SRGAP3: variants seen among roughly 807,000 people sequenced by gnomAD.
SRGAP3 encodes the protein SLIT-ROBO Rho GTPase activating protein 3.
Under a neutral mutation model 121.1 loss-of-function variants are expected in SRGAP3, and 39 were observed. The ratio of observed to expected loss-of-function variants is 0.32; its 90% CI spans 0.25 to 0.42. The LOEUF (loss-of-function observed/expected upper bound fraction) is 0.42, where lower values mean the gene tolerates loss of function less well. Among genes scored for constraint, SRGAP3 ranks in the 10% least tolerant of loss-of-function variants. The probability of loss-of-function intolerance (pLI) is 1.00; values close to 1 mark genes in which losing one functional copy is unlikely to be tolerated. For missense variants in SRGAP3, 1,213 were observed against 1,470.6 expected (o/e 0.82, Z 2.86); for synonymous variants, 601 against 570.0 (o/e 1.05, Z -0.77).
At chr3:9,195,355 G>A (rs1234196900) in intron 1 of SRGAP3, among the ~76,000 whole-genome samples, 1 of 152,170 alleles carries the variant, frequency 6.6e-6, no homozygotes, top group Non-Finnish European at 1.5e-5. Flanking sequence ...AAGCTCGTAA[G>A]GGTCAGGTCC....
chr3:9,126,661 A>C (rs907678020), intron 1 of SRGAP3, among the ~76,000 whole-genome samples: 8 of 149,102 alleles, frequency 5.4e-5, no homozygotes, highest in African/African-American at 1.0e-4. Flanking sequence ...AAATAAATAA[A>C]TAAATAATGT....
At chr3:9,124,984 C>A in intron 1 of SRGAP3, 67 bp from the exon 2 acceptor site, 1 of 1,580,502 alleles carries the variant, frequency 6.3e-7, no homozygotes, top group Non-Finnish European at 8.7e-7. Flanking sequence ...GCCCGCTCTG[C>A]TGCTGGCCTG....
intron 3 of SRGAP3, among the ~76,000 whole-genome samples, chr3:9,312,067 C>T (rs1436417415): frequency 6.6e-6 from 1 of 152,238 alleles, no homozygotes; most frequent in East Asian, 1.9e-4. Context: ...ATGTGGGCCA[C>T]AGGAACCACA....
At position 9,249,156 on chromosome 3, in the gene SRGAP3, C is replaced by T; in HGVS notation, c.-205G>A. On this transcript the variant is annotated 5_prime_UTR_variant, in exon 1 of 22. Coordinates refer to ENST00000383836, the MANE Select transcript of SRGAP3 (RefSeq NM_014850.4). ...TCTCTTTACTTGCCGAGAAATGGCT[C>T]TAGTAGCTTGCCCTGGTCAGCTCCT... 1 of 630,998 alleles carries T rather than the reference C, an allele frequency of 1.6e-6. No individual in the cohort carries two copies. The highest frequency in any genetic ancestry group is 2.8e-6 in the Non-Finnish European group (1 of 354,132). 39.1% of individuals were successfully genotyped at this position (630,998 alleles called of 1,614,324 possible). A position where few individuals can be genotyped will look rare whatever the true frequency, so the allele number is the denominator to read the frequency against.
At chr3:9,212,531 C>A (rs1952480771) in intron 1 of SRGAP3, among the ~76,000 whole-genome samples, 1 of 126,694 alleles carries the variant, frequency 7.9e-6, no homozygotes, top group South Asian at 2.1e-4. Context: ...ACCATCCTGG[C>A]CAACATGGTG....
rs1006484971 is a variant in SRGAP3 at position 9,350,184 on chromosome 3, G to A, written n.214+12656C>T. ...TCAGACACTGTCCTAAGTGCTTTAC[G>A]TGCACAATTTAATTCAGTCAACACA... On this transcript the variant is annotated intron_variant and non_coding_transcript_variant, in intron 1 of 3. Transcript: ENST00000490889. 5.9e-5 allele frequency: 9 copies of A among 152,236 alleles called. 1 individual carries two copies. The East Asian group carries it at 9.6e-4, about 16-fold the overall frequency. 9.4% of individuals were successfully genotyped at this position (152,236 alleles called of 1,614,324 possible).
intron 2 of SRGAP3, among the ~76,000 whole-genome samples, chr3:9,114,901 C>G (rs1343455189): frequency 2.0e-5 from 3 of 152,226 alleles, no homozygotes; most frequent in Non-Finnish European, 2.9e-5. Context: ...TACTGGATGT[C>G]TGATAGGCAT....
chr3:9,315,279 G>A (rs903760328), intron 3 of SRGAP3, among the ~76,000 whole-genome samples: 1 of 152,286 alleles, frequency 6.6e-6, no homozygotes, highest in Non-Finnish European at 1.5e-5. Context: ...TGGAAAGAGG[G>A]CCCCTGCCTC....
At chr3:9,079,407 T>C (rs1463672540) in intron 4 of SRGAP3, among the ~76,000 whole-genome samples, 2 of 152,130 alleles carry the variant, frequency 1.3e-5, no homozygotes, top group Non-Finnish European at 2.9e-5. Context: ...TGTGTCCCCA[T>C]TTGCTCACCT....
intron 1 of SRGAP3, among the ~76,000 whole-genome samples, chr3:9,161,871 C>G (rs977903236): frequency 2.0e-5 from 3 of 151,760 alleles, no homozygotes; most frequent in Non-Finnish European, 2.9e-5. Context: ...TTTGTCAAAA[C>G]CTCAATGTAG....
At chr3:9,061,225 T>G (rs1349878241) in intron 5 of SRGAP3, among the ~76,000 whole-genome samples, 1 of 152,058 alleles carries the variant, frequency 6.6e-6, no homozygotes, top group African/African-American at 2.4e-5. Flanking sequence ...AGAGGGAGAC[T>G]CCGTCTCAAT....
intron 1 of SRGAP3, among the ~76,000 whole-genome samples, chr3:9,151,372 G>C (rs1341098139): frequency 6.6e-6 from 1 of 152,180 alleles, no homozygotes; most frequent in Non-Finnish European, 1.5e-5. Flanking sequence ...AACGTGGAAG[G>C]GCAGCTGGAG....
chr3:8,994,653 C>G, intron 18 of SRGAP3, 130 bp from the exon 19 acceptor site: 1 of 1,230,776 alleles, frequency 8.1e-7, no homozygotes, highest in South Asian at 1.3e-5. Context: ...GGACAGAACG[C>G]CTGGTGGGCT....
intron 11 of SRGAP3, chr3:9,036,695 C>A (rs187957659): frequency 6.6e-6 from 1 of 152,202 alleles, no homozygotes; most frequent in South Asian, 2.1e-4. Context: ...AACTTCTCTG[C>A]GTGAGTTCTA....
At chr3:9,214,117 A>AACACAC (rs34152705) in intron 1 of SRGAP3, among the ~76,000 whole-genome samples, 18 of 133,896 alleles carry the variant, frequency 1.3e-4, no homozygotes, top group Admixed American at 4.4e-4. Context: ...ACCCACCTCC[A>AACACAC]ACACACACAC....
intron 1 of SRGAP3, among the ~76,000 whole-genome samples, chr3:9,229,175 G>A (rs1324116572): frequency 6.6e-6 from 1 of 152,044 alleles, no homozygotes; most frequent in African/African-American, 2.4e-5. Context: ...TGATATTATG[G>A]ACTAGCTAGG....
At chr3:8,990,927 C>T (rs34763482) in intron 20 of SRGAP3, 88 bp from the exon 21 acceptor site, 2 of 1,178,704 alleles carry the variant, frequency 1.7e-6, no homozygotes, top group Non-Finnish European at 2.3e-6. Context: ...ATGCCACACA[C>T]TACACGCTAG....
chr3:9,004,798 C>T (rs191334281), intron 18 of SRGAP3, among the ~76,000 whole-genome samples: 145 of 152,242 alleles, frequency 9.5e-4, no homozygotes, highest in African/African-American at 3.3e-3. Context: ...AATGTAAGAC[C>T]TAAAACTCTA....
rs191836687 is a variant in SRGAP3, at chr3:9,295,725, A to C, written n.442+30285T>G. ...ATATTCATATCATTGTGCAACTATCACTACCATCCATCTCCAGAATGGAGA... is the reference window on the plus strand; with the variant it reads ...ATATTCATATCATTGTGCAACTATCCCTACCATCCATCTCCAGAATGGAGA... On this transcript the variant is annotated intron_variant and non_coding_transcript_variant, in intron 3 of 3. Coordinates refer to the SRGAP3 transcript ENST00000490889. 2.6e-5 allele frequency among the ~76,000 whole-genome samples: 4 copies of C among 152,292 alleles called. No individual in the cohort carries two copies. In the East Asian group the frequency reaches 7.7e-4, roughly 29 times the overall value.
Sources: gnomAD v4.1 joint callset for allele counts (sites outside exome capture counted in the v4.1 genomes callset) on GRCh38, gnomAD v4.1.1 for gene constraint, MANE v1.5 for transcripts, NCBI Gene and HGNC (gene_info 2026-07-23, HGNC 2026-07-21) for gene names.